Variants in SLC25A30 observed in about 807,000 individuals in gnomAD.
The protein encoded by SLC25A30 is solute carrier family 25 member 30, also known as kidney mitochondrial carrier protein 1.
SLC25A30 carries 29 observed loss-of-function variants against 42.7 expected under a neutral mutation model. That is an observed-to-expected ratio of 0.68 (90% CI 0.51 to 0.93). The LOEUF (loss-of-function observed/expected upper bound fraction) is 0.93. Ranked by LOEUF, SLC25A30 falls within the 40% of genes least tolerant of loss-of-function variation. The pLI, the probability that SLC25A30 is intolerant of heterozygous loss-of-function variation, is 0.00. For synonymous variants in SLC25A30, 124 were observed against 131.0 expected (o/e 0.95, Z 0.37); for missense variants, 300 against 359.7 (o/e 0.83, Z 1.34).
At position 45,395,770 on chromosome 13, in the gene SLC25A30, G is replaced by C. The variant is rs1881262703; in HGVS notation, c.*204C>G. ...ACTTCAGTGGTAAAGACTAGTGTTT[G>C]GATGTTAGTTTATGCCATTAAACGT... On this transcript the variant is annotated 3_prime_UTR_variant, in exon 10 of 10. Transcript: ENST00000519676. 6.9e-7 allele frequency: 1 copy of C among 1,443,776 alleles called. No homozygotes were observed. The highest frequency in any genetic ancestry group is 9.1e-7 in the Non-Finnish European group (1 of 1,099,524). 89.4% of individuals were successfully genotyped at this position (1,443,776 alleles called of 1,614,324 possible). A position where few individuals can be genotyped will look rare whatever the true frequency, so the allele number is the denominator to read the frequency against.
At chr13:45,405,112 T>C in intron 4 of SLC25A30, among the ~76,000 whole-genome samples, 1 of 152,098 alleles carries the variant, frequency 6.6e-6, no homozygotes, top group Non-Finnish European at 1.5e-5. Context: ...TTTGTAGAGA[T>C]GGTGTTTCAC....
At chr13:45,402,701 G>T in intron 5 of SLC25A30, 1 of 868,534 alleles carries the variant, frequency 1.2e-6, no homozygotes, top group Non-Finnish European at 1.4e-6. Flanking sequence ...CTACTATATA[G>T]GTGAGAGAAA....
chr13:45,423,870 A>G, the SLC25A30 span, among the ~76,000 whole-genome samples: 8 of 66,016 alleles, frequency 1.2e-4, 1 homozygote, highest in African/African-American at 2.7e-4. Context: ...AAATATATAT[A>G]AAATATATAA....
the SLC25A30 span, among the ~76,000 whole-genome samples, chr13:45,425,738 G>A: frequency 7.1e-6 from 1 of 140,904 alleles, no homozygotes; most frequent in Non-Finnish European, 1.5e-5. Context: ...TATCCCCCAG[G>A]CTGGAGGGCA....
chr13:45,424,114 T>A, the SLC25A30 span, among the ~76,000 whole-genome samples: 32 of 84,578 alleles, frequency 3.8e-4, no homozygotes, highest in African/African-American at 9.4e-4. Flanking sequence ...AAAATATATA[T>A]AAATATATAT....
upstream of SLC25A30, among the ~76,000 whole-genome samples, chr13:45,419,566 G>T (rs892081512): frequency 1.9e-4 from 28 of 151,048 alleles, no homozygotes; most frequent in Non-Finnish European, 3.0e-5. Context: ...TGATCCGCCT[G>T]CCTCGGCCTC....
the SLC25A30 span, among the ~76,000 whole-genome samples, chr13:45,431,964 C>T: frequency 1.3e-5 from 2 of 151,998 alleles, no homozygotes; most frequent in Non-Finnish European, 2.9e-5. Context: ...GTCCTGCTGT[C>T]TCTGCCTTTA....
intron 3 of SLC25A30, among the ~76,000 whole-genome samples, chr13:45,406,235 A>C (rs1882496287): frequency 6.6e-6 from 1 of 152,064 alleles, no homozygotes; most frequent in South Asian, 2.1e-4. Context: ...GGCACCCGCC[A>C]CCACACCTGG....
Position 45,393,828 on chromosome 13 carries a change from A to G in SLC25A30, c.*2146T>C. ...TCTTAAATCGTGCTTAAGTTTTACC[A>G]TGAGGTTTGAATTTCTTTCCACCTT... is the stretch of plus-strand genomic sequence containing the variant. On this transcript the variant is annotated 3_prime_UTR_variant, in exon 10 of 10. Transcript: ENST00000519676. The G allele has an allele frequency of 1.0e-6, 1 of 985,422 alleles. No individual in the cohort carries two copies. Among genetic ancestry groups the G allele is most frequent in the Non-Finnish European group, 1.2e-6 (1 of 829,894 alleles). The allele number at this position is 985,422 out of a possible 1,614,324, so 61.0% of individuals were successfully genotyped here.
intron 7 of SLC25A30, among the ~76,000 whole-genome samples, chr13:45,400,033 T>TACACACACACACAC (rs71184413): frequency 8.1e-6 from 1 of 122,988 alleles, no homozygotes; most frequent in East Asian, 2.3e-4. Context: ...TATATATATA[T>TACACACACACACAC]ACACACACAC....
At chr13:45,433,673 G>A in the SLC25A30 span, among the ~76,000 whole-genome samples, 1 of 152,306 alleles carries the variant, frequency 6.6e-6, no homozygotes, top group East Asian at 1.9e-4. Context: ...AGTCAGGGAA[G>A]CTGGCCGAGG....
the SLC25A30 span, among the ~76,000 whole-genome samples, chr13:45,424,799 A>T: frequency 1.1e-3 from 66 of 60,506 alleles, 7 homozygotes; most frequent in African/African-American, 4.0e-3. Flanking sequence ...AAAGAATATA[A>T]ATATATAAAA....
the SLC25A30 span, among the ~76,000 whole-genome samples, chr13:45,428,799 G>T: frequency 6.6e-6 from 1 of 151,856 alleles, no homozygotes; most frequent in South Asian, 2.1e-4. Flanking sequence ...GGGATTACAG[G>T]TGTGAGCCAC....
rs1485350870 is a variant in SLC25A30 at position 45,394,844 on chromosome 13, TAAACAG to T, written c.*1124_*1129del. ...TCAAGCAGGTATTTTCCATCCAAAC[TAAACAG>T]AAAGTCCAAGACAGGCACAACATAA... On this transcript the variant is annotated 3_prime_UTR_variant, in exon 10 of 10. Coordinates refer to ENST00000519676, the MANE Select transcript of SLC25A30 (RefSeq NM_001010875.4). 3 of 985,216 alleles carry T rather than the reference TAAACAG, an allele frequency of 3.0e-6. No individual in the cohort carries two copies. The highest frequency in any genetic ancestry group is 3.6e-6 in the Non-Finnish European group (3 of 829,894). 61.0% of individuals were successfully genotyped at this position (985,216 alleles called of 1,614,324 possible). A position where few individuals can be genotyped will look rare whatever the true frequency, so the allele number is the denominator to read the frequency against.
At chr13:45,401,328 G>A (rs372766260) in intron 6 of SLC25A30, 121 bp from the exon 7 acceptor site, 23 of 1,013,946 alleles carry the variant, frequency 2.3e-5, no homozygotes, top group East Asian at 5.3e-5. Flanking sequence ...CTCTGGGGAG[G>A]CAGAAATGTA....
chr13:45,423,580 A>T, the SLC25A30 span, among the ~76,000 whole-genome samples: 1 of 64,630 alleles, frequency 1.5e-5, no homozygotes, highest in Non-Finnish European at 3.3e-5. Flanking sequence ...TATATATAAA[A>T]ATATATATAA....
At chr13:45,432,476 C>G in the SLC25A30 span, among the ~76,000 whole-genome samples, 7 of 151,890 alleles carry the variant, frequency 4.6e-5, no homozygotes, top group Non-Finnish European at 1.0e-4. Context: ...ATCATTATTC[C>G]ACACATCTCT....
At chr13:45,424,430 T>TAA in the SLC25A30 span, among the ~76,000 whole-genome samples, 59 of 59,510 alleles carry the variant, frequency 9.9e-4, no homozygotes, top group African/African-American at 4.1e-3. Flanking sequence ...TATATGAATA[T>TAA]ATATATAAAT....
At chr13:45,398,849 CTTAGTT>C (rs748834628) in intron 8 of SLC25A30, 85 bp downstream of exon 8, 50 of 1,414,340 alleles carry the variant, frequency 3.5e-5, no homozygotes, top group African/African-American at 2.2e-4. Flanking sequence ...CATCATTCAT[CTTAGTT>C]TTAGTAGCTT....
Sources: gnomAD v4.1 joint callset for allele counts (sites outside exome capture counted in the v4.1 genomes callset) on GRCh38, gnomAD v4.1.1 for gene constraint, MANE v1.5 for transcripts, NCBI Gene and HGNC (gene_info 2026-07-23, HGNC 2026-07-21) for gene names.